MAGI1: variants seen among roughly 807,000 people sequenced by gnomAD.
MAGI1 encodes membrane-associated guanylate kinase, WW and PDZ domain-containing protein 1.
MAGI1 carries 58 observed loss-of-function variants against 139.9 expected under a neutral mutation model. That is an observed-to-expected ratio of 0.41 (90% CI 0.34 to 0.52). The LOEUF is 0.52. Ranked by LOEUF, MAGI1 falls within the 20% of genes least tolerant of loss-of-function variation. The pLI, the probability that MAGI1 is intolerant of heterozygous loss-of-function variation, is 0.12. For synonymous variants in MAGI1, 812 were observed against 737.9 expected, an observed-to-expected ratio of 1.10 and a Z score of -1.63; for missense variants, 1,874 against 1,901.6, an observed-to-expected ratio of 0.99 and a Z score of 0.27.
At chr3:65,732,287 A>G (rs979751516) in intron 1 of MAGI1, among the ~76,000 whole-genome samples, 4 of 152,192 alleles carry the variant, frequency 2.6e-5, no homozygotes, top group Admixed American at 2.6e-4. Context: ...TCTCATTTAC[A>G]AGACATGAAA....
At chr3:65,966,436 A>G (rs539548237) in intron 1 of MAGI1, among the ~76,000 whole-genome samples, 13 of 152,222 alleles carry the variant, frequency 8.5e-5, no homozygotes, top group Non-Finnish European at 1.6e-4. Flanking sequence ...ATTCAATCAC[A>G]GAAATCTCTG....
At chr3:65,639,337 A>C (rs2084839431) in intron 1 of MAGI1, among the ~76,000 whole-genome samples, 1 of 152,168 alleles carries the variant, frequency 6.6e-6, no homozygotes, top group Non-Finnish European at 1.5e-5. Flanking sequence ...CTAATTTATC[A>C]ATTTTTATGG....
At chr3:65,506,474 C>T (rs1439611169) in intron 2 of MAGI1, among the ~76,000 whole-genome samples, 1 of 152,088 alleles carries the variant, frequency 6.6e-6, no homozygotes, top group Non-Finnish European at 1.5e-5. Context: ...TTAATTCTTC[C>T]AAGAGGGGTA....
chr3:65,702,877 T>C (rs1451248885), intron 1 of MAGI1, among the ~76,000 whole-genome samples: 3 of 152,098 alleles, frequency 2.0e-5, no homozygotes, highest in African/African-American at 7.2e-5. Context: ...TCCTCCTTTT[T>C]ATTTCCACTC....
At chr3:65,641,986 A>G (rs992158254) in intron 1 of MAGI1, among the ~76,000 whole-genome samples, 1 of 152,218 alleles carries the variant, frequency 6.6e-6, no homozygotes, top group Non-Finnish European at 1.5e-5. Context: ...GAACAAGGTG[A>G]GAAAGGGCCT....
intron 1 of MAGI1, among the ~76,000 whole-genome samples, chr3:65,682,678 G>A (rs1169782217): frequency 1.3e-5 from 2 of 151,912 alleles, no homozygotes; most frequent in East Asian, 1.9e-4. Context: ...TAGGATATAG[G>A]GCCAGAGAAA....
chr3:65,949,811 C>A (rs1379245511), intron 1 of MAGI1, among the ~76,000 whole-genome samples: 1 of 152,012 alleles, frequency 6.6e-6, no homozygotes, highest in African/African-American at 2.4e-5. Flanking sequence ...GGGCTGGGCA[C>A]GGTGGCACAT....
At chr3:65,437,347 A>AAGGGCAGAT in intron 9 of MAGI1, 100 bp from the exon 10 acceptor site, 1 of 624,218 alleles carries the variant, frequency 1.6e-6, no homozygotes, top group Admixed American at 3.0e-5. Context: ...GCAATAAACC[A>AAGGGCAGAT]AGGGCAGATA....
At chr3:65,737,167 C>T (rs1171798199) in intron 1 of MAGI1, among the ~76,000 whole-genome samples, 1 of 152,146 alleles carries the variant, frequency 6.6e-6, no homozygotes, top group African/African-American at 2.4e-5. Flanking sequence ...CCACGCCTGG[C>T]TAATTTTTTG....
intron 1 of MAGI1, among the ~76,000 whole-genome samples, chr3:65,637,559 AG>A (rs541853547): frequency 2.3e-3 from 72 of 30,882 alleles, no homozygotes; most frequent in African/African-American, 6.7e-3. Flanking sequence ...CTCCAAAAAA[AG>A]AAAGAAAGAA....
intron 22 of MAGI1, chr3:65,360,437 C>T (rs555986358): frequency 1.7e-5 from 17 of 980,042 alleles, no homozygotes; most frequent in Non-Finnish European, 2.1e-5. Flanking sequence ...GCCATCAGAA[C>T]ACTAAGCTAT....
chr3:65,769,406 T>C (rs1172426457), intron 1 of MAGI1, among the ~76,000 whole-genome samples: 1 of 152,150 alleles, frequency 6.6e-6, no homozygotes, highest in Non-Finnish European at 1.5e-5. Context: ...GGAAGATCAT[T>C]TGAGACCAGG....
intron 1 of MAGI1, among the ~76,000 whole-genome samples, chr3:65,777,558 G>C (rs1355668674): frequency 1.3e-5 from 2 of 150,534 alleles, no homozygotes; most frequent in Non-Finnish European, 2.9e-5. Flanking sequence ...AGGATCACTT[G>C]AGCCTGGGAG....
chr3:65,544,381 G>T (rs545297993), intron 2 of MAGI1, among the ~76,000 whole-genome samples: 2 of 152,236 alleles, frequency 1.3e-5, no homozygotes, highest in Non-Finnish European at 2.9e-5. Context: ...GGAACTGGGG[G>T]ATCTCAGAAA....
intron 4 of MAGI1, among the ~76,000 whole-genome samples, chr3:65,475,283 G>T (rs1423514880): frequency 6.6e-6 from 1 of 151,876 alleles, no homozygotes; most frequent in Non-Finnish European, 1.5e-5. Context: ...GTGCAGCCTC[G>T]GCTCACTGCA....
At chr3:65,463,580 G>GTGTGTA (rs1306378783) in intron 5 of MAGI1, among the ~76,000 whole-genome samples, 6 of 151,214 alleles carry the variant, frequency 4.0e-5, no homozygotes, top group African/African-American at 1.2e-4. Context: ...GTGTGTGTGT[G>GTGTGTA]TGTGTGTGTG....
chr3:65,817,784 T>G (rs2041699462), intron 1 of MAGI1, among the ~76,000 whole-genome samples: 1 of 152,204 alleles, frequency 6.6e-6, no homozygotes, highest in Admixed American at 6.6e-5. Flanking sequence ...TAAACACCAC[T>G]TTTATCACAG....
At chr3:65,446,216 A>C (rs540555692) in intron 7 of MAGI1, among the ~76,000 whole-genome samples, 7 of 152,322 alleles carry the variant, frequency 4.6e-5, no homozygotes, top group African/African-American at 1.7e-4. Flanking sequence ...TAGCTAATAG[A>C]ATGTGCTGAT....
intron 2 of MAGI1, among the ~76,000 whole-genome samples, chr3:65,515,073 AC>A (rs2077796290): frequency 1.4e-5 from 2 of 140,280 alleles, no homozygotes; most frequent in South Asian, 4.9e-4. Flanking sequence ...AAAACCAAAC[AC>A]CACATATTCT....
Sources: allele counts gnomAD v4.1 joint callset (sites outside exome capture counted in the v4.1 genomes callset), GRCh38; gene constraint gnomAD v4.1.1; transcripts MANE v1.5; gene names NCBI Gene and HGNC (gene_info 2026-07-23, HGNC 2026-07-21).